XYLT1: variants seen among roughly 807,000 people sequenced by gnomAD.
XYLT1 encodes xylosyltransferase 1.
XYLT1 carries 36 observed loss-of-function variants against 91.3 expected under a neutral mutation model. That is an observed-to-expected ratio of 0.39 (90% confidence interval 0.30 to 0.52). XYLT1 has a LOEUF of 0.52. Ranked by LOEUF, XYLT1 falls within the 20% of genes least tolerant of loss-of-function variation. The pLI is 0.68. For missense variants in XYLT1, 1,242 were observed against 1,284.5 expected (o/e 0.97, Z 0.51); for synonymous variants, 588 against 532.0 (o/e 1.11, Z -1.45).
chr16:17,145,920 C>T (rs560415493), intron 6 of XYLT1, among the ~76,000 whole-genome samples: 8 of 152,328 alleles, frequency 5.3e-5, no homozygotes, highest in African/African-American at 1.4e-4. Context: ...CCTGTCTCCT[C>T]GCAGGTAGCC....
At chr16:17,209,267 G>A (rs1267531501) in intron 3 of XYLT1, among the ~76,000 whole-genome samples, 1 of 152,156 alleles carries the variant, frequency 6.6e-6, no homozygotes, top group Admixed American at 6.5e-5. Context: ...TCTTCCTTTT[G>A]TGTCTGGATC....
At chr16:17,393,731 T>C (rs1039782658) in intron 1 of XYLT1, among the ~76,000 whole-genome samples, 3 of 151,910 alleles carry the variant, frequency 2.0e-5, no homozygotes, top group East Asian at 3.9e-4. Flanking sequence ...CTGGGAAACA[T>C]AGGGAGACCC....
intron 5 of XYLT1, among the ~76,000 whole-genome samples, chr16:17,174,445 AGATG>A (rs1326943216): frequency 6.6e-6 from 1 of 152,222 alleles, no homozygotes; most frequent in Admixed American, 6.5e-5. Flanking sequence ...CCATAGAAAG[AGATG>A]AAGTACTGAT....
chr16:17,279,822 C>T (rs745468363), intron 2 of XYLT1, among the ~76,000 whole-genome samples: 3 of 152,186 alleles, frequency 2.0e-5, no homozygotes, highest in African/African-American at 4.8e-5. Context: ...CAACAGGACC[C>T]TGCAAGTCCT....
intron 7 of XYLT1, 37 bp downstream of exon 7, chr16:17,141,116 C>A (rs757608609): frequency 5.7e-5 from 92 of 1,601,906 alleles, no homozygotes; most frequent in Non-Finnish European, 7.7e-5. Flanking sequence ...TAGAACAAGC[C>A]CCTATCTTTC....
At chr16:17,388,278 C>T (rs1283123813) in intron 1 of XYLT1, among the ~76,000 whole-genome samples, 2 of 152,292 alleles carry the variant, frequency 1.3e-5, no homozygotes, top group Non-Finnish European at 2.9e-5. Context: ...ACTCAAAATT[C>T]GAAGTAAGGC....
At chr16:17,372,695 T>C (rs898796272) in intron 1 of XYLT1, among the ~76,000 whole-genome samples, 1 of 152,222 alleles carries the variant, frequency 6.6e-6, no homozygotes, top group Non-Finnish European at 1.5e-5. Context: ...GCTAAGAACA[T>C]GGAAACTTGT....
At chr16:17,118,582 T>G (rs1308583162) in intron 10 of XYLT1, among the ~76,000 whole-genome samples, 1 of 151,872 alleles carries the variant, frequency 6.6e-6, no homozygotes, top group Non-Finnish European at 1.5e-5. Context: ...AGCATGAGAG[T>G]CATCCTGCGA....
chr16:17,248,462 G>A (rs2033478676), intron 3 of XYLT1, among the ~76,000 whole-genome samples: 1 of 152,156 alleles, frequency 6.6e-6, no homozygotes, highest in Admixed American at 6.6e-5. Flanking sequence ...TCAAAGCAAA[G>A]ACACAGATCC....
intron 2 of XYLT1, among the ~76,000 whole-genome samples, chr16:17,274,713 C>G (rs2033946336): frequency 6.6e-6 from 1 of 151,872 alleles, no homozygotes; most frequent in African/African-American, 2.4e-5. Context: ...AAGAAAGGAG[C>G]AAGACAGACA....
chr16:17,355,016 A>T (rs1231071308), intron 2 of XYLT1: 1 of 152,386 alleles, frequency 6.6e-6, no homozygotes, highest in Non-Finnish European at 1.5e-5. Flanking sequence ...AAAGACAGGG[A>T]ACCAAATGAG....
chr16:17,199,522 A>C (rs1190175579), intron 4 of XYLT1, among the ~76,000 whole-genome samples: 1 of 152,136 alleles, frequency 6.6e-6, no homozygotes, highest in Non-Finnish European at 1.5e-5. Flanking sequence ...TTGTGTCCCC[A>C]CCCAAATCTA....
intron 1 of XYLT1, among the ~76,000 whole-genome samples, chr16:17,420,272 T>C (rs1376095084): frequency 6.6e-6 from 1 of 152,228 alleles, no homozygotes; most frequent in African/African-American, 2.4e-5. Flanking sequence ...TGATAGACCC[T>C]ATAAATTATA....
At chr16:17,283,184 G>A (rs2034083398) in intron 2 of XYLT1, among the ~76,000 whole-genome samples, 2 of 152,204 alleles carry the variant, frequency 1.3e-5, no homozygotes, top group Admixed American at 1.3e-4. Flanking sequence ...TGGCACGTCT[G>A]GAGGCAAAGC....
At chr16:17,203,836 G>A (rs546918411) in intron 3 of XYLT1, among the ~76,000 whole-genome samples, 1 of 152,334 alleles carries the variant, frequency 6.6e-6, no homozygotes, top group South Asian at 2.1e-4. Flanking sequence ...TAAGGTGTAT[G>A]GGGCCTTTGA....
rs536473724 is a variant in XYLT1, at chr16:17,157,050, C to A, written c.1370+1779G>T. On this transcript the variant is annotated intron_variant, in intron 6 of 11. Coordinates refer to ENST00000261381, the MANE Select transcript of XYLT1 (RefSeq NM_022166.4). ...GCAACCTCCGACTCCCAGGATCAAG[C>A]GATTCTCCTGCCTCAGCCTCCCAAG... Among the ~76,000 whole-genome samples the A allele has an allele frequency of 5.0e-4, 76 of 151,914 alleles. 1 individual carries two copies. The South Asian group carries it at 0.015, about 30-fold the overall frequency.
rs141717010 is a variant in XYLT1 at position 17,102,519 on chromosome 16, TTTG to T, written c.*6173_*6175del. On this transcript the variant is annotated 3_prime_UTR_variant, in exon 12 of 12. Transcript: ENST00000261381. ...CAAAAAAATACAGCTAAGGCACAATTTTGTTGTTGTTGTTGTTCTGCAAAATAA... is the reference window on the plus strand; with the variant it reads ...CAAAAAAATACAGCTAAGGCACAATTTTGTTGTTGTTGTTCTGCAAAATAA... 1.2e-3 allele frequency: 184 copies of T among 152,620 alleles called. 3 individuals are homozygous for T. Among genetic ancestry groups the T allele is most frequent in the East Asian group, 1.9e-4 (1 of 5,174 alleles). 9.5% of individuals were successfully genotyped at this position (152,620 alleles called of 1,614,324 possible).
rs1250687187 is a variant in XYLT1 at position 17,106,805 on chromosome 16, T to A, written c.*1890A>T. ...ATCCGAGGGAGAGTGAGGCTGACACTCTGCATAAGGAAAAAAACAAGGCTC... is the reference window on the plus strand; with the variant it reads ...ATCCGAGGGAGAGTGAGGCTGACACACTGCATAAGGAAAAAAACAAGGCTC... On this transcript the variant is annotated 3_prime_UTR_variant, in exon 12 of 12. Coordinates refer to ENST00000261381, the MANE Select transcript of XYLT1 (RefSeq NM_022166.4). 1 of 151,838 alleles carries A rather than the reference T, an allele frequency of 6.6e-6. No individual in the cohort carries two copies. Among genetic ancestry groups the A allele is most frequent in the Non-Finnish European group, 1.5e-5 (1 of 67,966 alleles). The allele number at this position is 151,838 out of a possible 1,614,324, so 9.4% of individuals were successfully genotyped here.
intron 2 of XYLT1, among the ~76,000 whole-genome samples, chr16:17,348,341 A>G (rs1257953519): frequency 6.6e-6 from 1 of 152,024 alleles, no homozygotes; most frequent in African/African-American, 2.4e-5. Context: ...GACTGGGCAA[A>G]TTGTTCAGCA....
Sources: allele counts gnomAD v4.1 joint callset (sites outside exome capture counted in the v4.1 genomes callset), GRCh38; gene constraint gnomAD v4.1.1; transcripts MANE v1.5; gene names NCBI Gene and HGNC (gene_info 2026-07-23, HGNC 2026-07-21).